ATP8A2: variants seen among roughly 807,000 people sequenced by gnomAD.
The protein encoded by ATP8A2 is phospholipid-transporting ATPase IB.
ATP8A2 carries 100 observed loss-of-function variants against 165.6 expected under a neutral mutation model. The ratio of observed to expected loss-of-function variants is 0.60; its 90% CI spans 0.51 to 0.71. The LOEUF (loss-of-function observed/expected upper bound fraction) is 0.71, where lower values mean the gene tolerates loss of function less well. Ranked by LOEUF, ATP8A2 falls within the 30% of genes least tolerant of loss-of-function variation. The pLI is 0.00. For missense variants in ATP8A2, 1,227 were observed against 1,479.5 expected (o/e 0.83, Z 2.80); for synonymous variants, 543 against 548.8 (o/e 0.99, Z 0.15).
intron 27 of ATP8A2, among the ~76,000 whole-genome samples, chr13:25,782,000 G>A (rs577984423): frequency 6.6e-6 from 1 of 152,272 alleles, no homozygotes; most frequent in East Asian, 1.9e-4. Flanking sequence ...CTGGCTTTGG[G>A]CTGGATTTCA....
chr13:25,825,860 T>C (rs1000638552), intron 27 of ATP8A2, among the ~76,000 whole-genome samples: 2 of 151,894 alleles, frequency 1.3e-5, no homozygotes, highest in African/African-American at 4.8e-5. Flanking sequence ...TCACCGAGAA[T>C]AGCCAGACCT....
intron 24 of ATP8A2, among the ~76,000 whole-genome samples, chr13:25,627,221 T>C (rs907210670): frequency 2.0e-5 from 3 of 151,988 alleles, no homozygotes; most frequent in African/African-American, 7.2e-5. Flanking sequence ...AGTGGCAGAA[T>C]ACATAGGAGG....
intron 33 of ATP8A2, among the ~76,000 whole-genome samples, chr13:25,956,091 C>G (rs1205125424): frequency 6.6e-6 from 1 of 152,152 alleles, no homozygotes; most frequent in Non-Finnish European, 1.5e-5. Context: ...TTGCTAAAAA[C>G]TCTCAATAAA....
At chr13:25,768,034 A>T (rs1241429893) in intron 25 of ATP8A2, among the ~76,000 whole-genome samples, 2 of 127,868 alleles carry the variant, frequency 1.6e-5, no homozygotes, top group African/African-American at 6.2e-5. Context: ...TGAAATCCAG[A>T]AAAATCTTTT....
intron 1 of ATP8A2, among the ~76,000 whole-genome samples, chr13:25,407,535 G>T (rs989767465): frequency 1.3e-5 from 2 of 152,212 alleles, no homozygotes; most frequent in Non-Finnish European, 2.9e-5. Context: ...AGTAAGAAAA[G>T]ATGCTATCTT....
intron 24 of ATP8A2, among the ~76,000 whole-genome samples, chr13:25,599,624 ATTGCCCCTAG>A (rs2040329217): frequency 6.6e-6 from 1 of 152,156 alleles, no homozygotes; most frequent in South Asian, 2.1e-4. Flanking sequence ...GTAATAATTT[ATTGCCCCTAG>A]TGTGTGGCCA....
chr13:25,630,908 C>T (rs2041225683), intron 24 of ATP8A2, among the ~76,000 whole-genome samples: 1 of 152,086 alleles, frequency 6.6e-6, no homozygotes. Flanking sequence ...ACTTCTGGGA[C>T]TGACTGGAGT....
At chr13:25,542,924 AAAT>A (rs1429400931) in intron 9 of ATP8A2, among the ~76,000 whole-genome samples, 2 of 152,000 alleles carry the variant, frequency 1.3e-5, no homozygotes, top group African/African-American at 2.4e-5. Flanking sequence ...TTTATTTTAC[AAAT>A]AATAATAATA....
intron 27 of ATP8A2, among the ~76,000 whole-genome samples, chr13:25,805,287 T>C (rs1361735256): frequency 1.3e-5 from 2 of 152,026 alleles, no homozygotes. Flanking sequence ...GGTGGACATA[T>C]CACTTGAGCC....
intron 33 of ATP8A2, among the ~76,000 whole-genome samples, chr13:25,931,875 C>T (rs1954777136): frequency 6.6e-6 from 1 of 151,736 alleles, no homozygotes; most frequent in Admixed American, 6.6e-5. Flanking sequence ...GGAGAAACCC[C>T]CGTCTCTACT....
intron 2 of ATP8A2, among the ~76,000 whole-genome samples, chr13:25,472,831 C>T (rs1566161219): frequency 6.6e-6 from 1 of 152,174 alleles, no homozygotes; most frequent in Non-Finnish European, 1.5e-5. Flanking sequence ...GAGTTCTCTC[C>T]CCTACTTTCC....
Position 25,629,379 on chromosome 13 carries a change from A to G in ATP8A2, c.2211+39680A>G, listed in dbSNP as rs557375363. Among the ~76,000 whole-genome samples, 42 of 152,316 alleles carry G rather than the reference A, an allele frequency of 2.8e-4. 2 individuals are homozygous for G. The South Asian group carries it at 6.0e-3, about 22-fold the overall frequency. ...CACACTATAATGAAGGCACAGTTAC[A>G]TTAAGTCTATTTTCTTGGTATGAAA... On this transcript the variant is annotated intron_variant, in intron 24 of 36. Coordinates refer to ENST00000381655, the MANE Select transcript of ATP8A2 (RefSeq NM_016529.6).
intron 24 of ATP8A2, among the ~76,000 whole-genome samples, chr13:25,638,686 G>T (rs537138168): frequency 6.6e-6 from 1 of 152,272 alleles, no homozygotes; most frequent in South Asian, 2.1e-4. Context: ...CACTCTGCAG[G>T]ATGTTATCCT....
intron 2 of ATP8A2, among the ~76,000 whole-genome samples, chr13:25,520,687 G>A (rs8001134): frequency 0.13 from 19,196 of 148,716 alleles, 1,420 homozygotes; most frequent in Non-Finnish European, 0.18. Context: ...TGCAAGCTCC[G>A]CTTCTCAGGT....
intron 25 of ATP8A2, among the ~76,000 whole-genome samples, chr13:25,751,920 G>C (rs2044159911): frequency 6.7e-6 from 1 of 149,938 alleles, no homozygotes; most frequent in Admixed American, 6.7e-5. Flanking sequence ...CATCTAGTAT[G>C]TGTCTAAAAT....
At chr13:25,571,994 G>A (rs370417155) in intron 18 of ATP8A2, among the ~76,000 whole-genome samples, 1 of 152,128 alleles carries the variant, frequency 6.6e-6, no homozygotes, top group South Asian at 2.1e-4. Flanking sequence ...ATAACTTAGC[G>A]GCCCACTTGT....
chr13:25,719,399 C>T (rs531746206), intron 25 of ATP8A2, among the ~76,000 whole-genome samples: 1 of 151,724 alleles, frequency 6.6e-6, no homozygotes, highest in South Asian at 2.1e-4. Context: ...CTGAGGCTGA[C>T]ATGAACATTG....
chr13:25,964,966 C>T (rs546235542), intron 34 of ATP8A2, among the ~76,000 whole-genome samples: 30 of 152,270 alleles, frequency 2.0e-4, no homozygotes, highest in Non-Finnish European at 3.1e-4. Context: ...TCAAGATCAG[C>T]CCGGCCAACA....
intron 24 of ATP8A2, among the ~76,000 whole-genome samples, chr13:25,591,813 T>C (rs1234645848): frequency 3.3e-5 from 5 of 152,134 alleles, no homozygotes; most frequent in Admixed American, 3.3e-4. Flanking sequence ...AATCCAACTT[T>C]TGACTATTGT....
Sources: allele counts gnomAD v4.1 joint callset (sites outside exome capture counted in the v4.1 genomes callset), GRCh38; gene constraint gnomAD v4.1.1; transcripts MANE v1.5; gene names NCBI Gene and HGNC (gene_info 2026-07-23, HGNC 2026-07-21).